Variants in BRD4 observed in about 807,000 individuals in gnomAD.
The protein encoded by BRD4 is bromodomain-containing protein 4.
A neutral mutation model predicts 142.1 loss-of-function variants in BRD4; 16 were observed. The observed-to-expected ratio is 0.11, with a 90% CI of 0.08 to 0.17. BRD4 has a LOEUF of 0.17. Ranked by LOEUF, BRD4 falls within the 10% of genes least tolerant of loss-of-function variation. BRD4 has a pLI of 1.00. For synonymous variants in BRD4, 833 were observed against 707.5 expected, an observed-to-expected ratio of 1.18 and a Z score of -2.82; for missense variants, 1,424 against 1,810.9, an observed-to-expected ratio of 0.79 and a Z score of 3.88.
intron 1 of BRD4, among the ~76,000 whole-genome samples, chr19:15,278,519 A>T (rs1167088124): frequency 1.3e-5 from 2 of 149,312 alleles, no homozygotes; most frequent in Admixed American, 6.7e-5. Context: ...TGGGCAACAA[A>T]GCAAGACTCT....
chr19:15,250,924 G>A (rs1480058396), intron 11 of BRD4, among the ~76,000 whole-genome samples: 3 of 152,192 alleles, frequency 2.0e-5, no homozygotes. Context: ...AGATGCCCTA[G>A]GGGTGGTGGG....
rs1202063380 is a variant in BRD4, at chr19:15,235,918, G to C, written c.*2459C>G. 5 of 152,262 alleles carry C rather than the reference G, an allele frequency of 3.3e-5. No individual in the cohort carries two copies. The highest frequency in any genetic ancestry group is 1.2e-4 in the African/African-American group (5 of 41,466). 9.4% of individuals were successfully genotyped at this position (152,262 alleles called of 1,614,324 possible). A position where few individuals can be genotyped will look rare whatever the true frequency, so the allele number is the denominator to read the frequency against. On this transcript the variant is annotated 3_prime_UTR_variant, in exon 20 of 20. Coordinates refer to ENST00000679869, the MANE Select transcript of BRD4 (RefSeq NM_001379291.1). ...CTATCCAGCTCAGCAGTTGGACCCA[G>C]GCTGGGGAAGTGTCTGAACAAAACA...
chr19:15,242,788 A>T, intron 14 of BRD4, 112 bp downstream of exon 14: 1 of 1,479,872 alleles, frequency 6.8e-7, no homozygotes, highest in Non-Finnish European at 9.1e-7. Flanking sequence ...GCTGAGGCTC[A>T]GCTCTGAACC....
In BRD4 at chr19:15,238,719, T is replaced by TC. The variant is rs755357952; in HGVS notation, c.4020+23dup. 3 of 1,489,752 alleles carry TC rather than the reference T, an allele frequency of 2.0e-6. No homozygotes were observed. The South Asian group carries it at 4.1e-5, about 21-fold the overall frequency. 92.3% of individuals were successfully genotyped at this position (1,489,752 alleles called of 1,614,324 possible). On this transcript the variant is annotated intron_variant, in intron 19 of 19. Coordinates refer to ENST00000679869, the MANE Select transcript of BRD4 (RefSeq NM_001379291.1). The surrounding 1 kb of genome is among the most constrained non-coding windows in gnomAD (Gnocchi z 7.2). Reference sequence around the variant, plus strand: ...TCAGGAGCTAATCCTTAGACCAGGGTCCCCACCAGGCCTCCAGACTCACGG... The same window carrying TC: ...TCAGGAGCTAATCCTTAGACCAGGGTCCCCCACCAGGCCTCCAGACTCACGG...
chr19:15,278,092 C>T (rs1280927194), intron 1 of BRD4, among the ~76,000 whole-genome samples: 3 of 97,148 alleles, frequency 3.1e-5, no homozygotes, highest in African/African-American at 1.2e-4. Flanking sequence ...GGAGACAGAG[C>T]AAGACTCCGT....
chr19:15,271,839 G>C (rs2047590571), intron 2 of BRD4, among the ~76,000 whole-genome samples: 1 of 147,010 alleles, frequency 6.8e-6, no homozygotes, highest in Non-Finnish European at 1.5e-5. Context: ...AATAGCACCA[G>C]ACAGTTCTTA....
At chr19:15,312,564 G>A (rs776858092) in intron 1 of BRD4, among the ~76,000 whole-genome samples, 12 of 151,848 alleles carry the variant, frequency 7.9e-5, no homozygotes, top group South Asian at 2.1e-4. Context: ...CGCGGGAGGC[G>A]GAAGTTGCAG....
At chr19:15,311,906 T>C (rs2047974445) in intron 1 of BRD4, among the ~76,000 whole-genome samples, 1 of 152,212 alleles carries the variant, frequency 6.6e-6, no homozygotes, top group African/African-American at 2.4e-5. Flanking sequence ...AGTAGAAGAC[T>C]GGCTGCCACA....
At chr19:15,267,173 C>CT (rs1313232624) in intron 4 of BRD4, among the ~76,000 whole-genome samples, 1 of 152,164 alleles carries the variant, frequency 6.6e-6, no homozygotes, top group African/African-American at 2.4e-5. Context: ...TCCTTTTACC[C>CT]TAAGTCCATC....
intron 1 of BRD4, among the ~76,000 whole-genome samples, chr19:15,323,402 T>G (rs2048081495): frequency 6.6e-6 from 1 of 152,096 alleles, no homozygotes; most frequent in Non-Finnish European, 1.5e-5. Context: ...GCTGGCAGGT[T>G]CCACCTCCAT....
At position 15,329,187 on chromosome 19, in the gene BRD4, A is replaced by AT. The variant is rs1255646211; in HGVS notation, c.-35+3102dup. 3.9e-5 allele frequency among the ~76,000 whole-genome samples: 6 copies of AT among 152,088 alleles called. No homozygotes were observed. The South Asian group carries it at 1.2e-3, about 32-fold the overall frequency. ...ATTCCCCACAATTCTCACCTCGCAA[A>AT]TGTACACTCTTTTCTAGACACCAAA... is the stretch of plus-strand genomic sequence containing the variant. On this transcript the variant is annotated intron_variant, in intron 1 of 19. Coordinates refer to ENST00000679869, the MANE Select transcript of BRD4 (RefSeq NM_001379291.1).
rs778948524 is a variant in BRD4, at chr19:15,244,337, C to T, written c.2475G>A (p.Gln825=). The T allele has an allele frequency of 6.2e-7, 1 of 1,601,170 alleles. No homozygotes were observed. Among genetic ancestry groups the T allele is most frequent in the Admixed American group, 1.7e-5 (1 of 58,058 alleles). The change falls in exon 13 of 20, where the codon CAG becomes CAA. Residue 825 remains glutamine (Q), a synonymous_variant. Coordinates refer to ENST00000679869, the MANE Select transcript of BRD4 (RefSeq NM_001379291.1). Reference sequence around the variant, plus strand: ...CAGGCTGCGGCAGGTGCAGGATGGGCTGGGTGAAGTGGCCGATGGGGTCAA... The same window carrying T: ...CAGGCTGCGGCAGGTGCAGGATGGGTTGGGTGAAGTGGCCGATGGGGTCAA... The part of the protein sequence containing the change: ...SVFDPIGHFT[Q]PILHLPQPEL...
chr19:15,247,537 G>A (rs1407485064), intron 11 of BRD4: 1 of 233,068 alleles, frequency 4.3e-6, no homozygotes, highest in African/African-American at 2.2e-5. Flanking sequence ...GCTGGCTTGT[G>A]GCTATGGCCC....
At chr19:15,253,768 C>A in intron 11 of BRD4, 5 of 1,597,858 alleles carry the variant, frequency 3.1e-6, no homozygotes, top group Non-Finnish European at 4.2e-6. Flanking sequence ...CACGAAGTCT[C>A]CACTGGTGCA....
chr19:15,320,280 G>A (rs1323242946), intron 1 of BRD4, among the ~76,000 whole-genome samples: 1 of 152,080 alleles, frequency 6.6e-6, no homozygotes, highest in Non-Finnish European at 1.5e-5. Flanking sequence ...ACTTGTTTTT[G>A]ATTATGGAAA....
intron 1 of BRD4, among the ~76,000 whole-genome samples, chr19:15,276,360 G>GC (rs879337871): frequency 2.2e-4 from 33 of 152,268 alleles, no homozygotes; most frequent in African/African-American, 7.0e-4. Context: ...TCCCACAGCG[G>GC]TTCCCCCCAA....
chr19:15,255,952 G>A, intron 9 of BRD4, 112 bp downstream of exon 9: 2 of 1,414,046 alleles, frequency 1.4e-6, no homozygotes, highest in Non-Finnish European at 1.9e-6. Context: ...CACGGCTGCA[G>A]AGGGGCAGCC....
At chr19:15,305,023 C>CTTTTTTTTTT (rs34235278) in intron 1 of BRD4, among the ~76,000 whole-genome samples, 1 of 126,416 alleles carries the variant, frequency 7.9e-6, no homozygotes, top group African/African-American at 3.1e-5. Context: ...TTAAGACCAT[C>CTTTTTTTTTT]TTTTTTTTTT....
chr19:15,308,115 C>CAAAAAAAA (rs57642262), intron 1 of BRD4, among the ~76,000 whole-genome samples: 22 of 21,184 alleles, frequency 1.0e-3, no homozygotes, highest in African/African-American at 5.6e-3. Context: ...GACTCCGTCT[C>CAAAAAAAA]AAAAAAAAAA....
Sources: gnomAD v4.1 joint callset for allele counts (sites outside exome capture counted in the v4.1 genomes callset) on GRCh38, gnomAD v4.1.1 for gene constraint, Gnocchi (gnomAD v3.1) non-coding constraint, MANE v1.5 for transcripts, NCBI Gene and HGNC (gene_info 2026-07-23, HGNC 2026-07-21) for gene names.